The following MTHFD1L variants were observed in gnomAD, a reference collection of about 807,000 sequenced individuals.
The protein encoded by MTHFD1L is methylenetetrahydrofolate dehydrogenase (NADP+ dependent) 1 like.
Under a neutral mutation model 119.5 loss-of-function variants are expected in MTHFD1L, and 81 were observed. The observed-to-expected ratio is 0.68, with a 90% confidence interval of 0.57 to 0.82. The LOEUF (loss-of-function observed/expected upper bound fraction) is 0.82, where lower values mean the gene tolerates loss of function less well. Among genes scored for constraint, MTHFD1L ranks in the 40% least tolerant of loss-of-function variants. MTHFD1L has a pLI of 0.00. For synonymous variants in MTHFD1L, 430 were observed against 475.2 expected, an observed-to-expected ratio of 0.90 and a Z score of 1.24; for missense variants, 1,125 against 1,253.4, an observed-to-expected ratio of 0.90 and a Z score of 1.55.
rs1228188288 is a variant in MTHFD1L, at chr6:151,046,573, C to T, written c.2847+9456C>T. Among the ~76,000 whole-genome samples, 17 of 144,264 alleles carry T rather than the reference C, an allele frequency of 1.2e-4. No individual in the cohort carries two copies. In the East Asian group the frequency reaches 2.1e-3, roughly 18 times the overall value. 94.6% of individuals were successfully genotyped at this position (144,264 alleles called of 152,430 possible). On this transcript the variant is annotated intron_variant, in intron 26 of 27. Coordinates refer to ENST00000367321, the MANE Select transcript of MTHFD1L (RefSeq NM_015440.5). ...TACTTGTTTTCTTCCCCCCATTTTTCGTATGGATTCATAGCATAAATTGAC... is the reference window on the plus strand; with the variant it reads ...TACTTGTTTTCTTCCCCCCATTTTTTGTATGGATTCATAGCATAAATTGAC...
chr6:150,929,884 A>C (rs148811090), intron 11 of MTHFD1L, among the ~76,000 whole-genome samples: 41 of 152,246 alleles, frequency 2.7e-4, no homozygotes, highest in African/African-American at 9.4e-4. Flanking sequence ...TGTAGTGGAA[A>C]AAAATAACCG....
At chr6:150,935,887 A>G (rs566568839) in intron 11 of MTHFD1L, among the ~76,000 whole-genome samples, 6 of 143,344 alleles carry the variant, frequency 4.2e-5, no homozygotes, top group Admixed American at 9.0e-5. Context: ...TAAAGAGTGG[A>G]AAAAAAAAAT....
At chr6:151,085,663 C>T (rs909351700) in intron 26 of MTHFD1L, among the ~76,000 whole-genome samples, 5 of 151,916 alleles carry the variant, frequency 3.3e-5, no homozygotes, top group East Asian at 1.9e-4. Flanking sequence ...CCCAGCTACT[C>T]GGGAGGCTGA....
intron 11 of MTHFD1L, among the ~76,000 whole-genome samples, chr6:150,929,581 C>T (rs1790642626): frequency 6.6e-6 from 1 of 152,188 alleles, no homozygotes; most frequent in African/African-American, 2.4e-5. Flanking sequence ...CAAAGCTGGG[C>T]CTCCAGCCTC....
chr6:150,992,992 G>A (rs1160192963), intron 20 of MTHFD1L, among the ~76,000 whole-genome samples: 1 of 152,138 alleles, frequency 6.6e-6, no homozygotes, highest in Non-Finnish European at 1.5e-5. Flanking sequence ...TTTTAATGAG[G>A]TTTTAAATTT....
chr6:151,093,280 G>C (rs999665516), intron 27 of MTHFD1L, among the ~76,000 whole-genome samples: 1 of 152,156 alleles, frequency 6.6e-6, no homozygotes, highest in Non-Finnish European at 1.5e-5. Flanking sequence ...CCCTGTGTCT[G>C]TGTCTTCACA....
intron 26 of MTHFD1L, among the ~76,000 whole-genome samples, chr6:151,067,183 G>T (rs140148102): frequency 5.9e-4 from 89 of 151,694 alleles, no homozygotes; most frequent in African/African-American, 2.0e-3. Flanking sequence ...TAGTAGAAAC[G>T]GGGTTTCACC....
chr6:151,081,030 T>A (rs185832677), intron 26 of MTHFD1L, among the ~76,000 whole-genome samples: 62 of 152,198 alleles, frequency 4.1e-4, no homozygotes, highest in African/African-American at 1.5e-3. Context: ...GGGATTAGGA[T>A]GTCAATATAG....
chr6:150,980,833 A>G (rs1777383646), intron 20 of MTHFD1L, among the ~76,000 whole-genome samples: 1 of 151,822 alleles, frequency 6.6e-6, no homozygotes, highest in Admixed American at 6.6e-5. Flanking sequence ...TTCTCTCCTG[A>G]TTTGAGTGAT....
chr6:150,903,318 A>G (rs1470098032), intron 7 of MTHFD1L, among the ~76,000 whole-genome samples: 2 of 146,532 alleles, frequency 1.4e-5, no homozygotes, highest in Non-Finnish European at 3.0e-5. Context: ...TCCCAGGTTC[A>G]AGTGATTCTC....
intron 20 of MTHFD1L, among the ~76,000 whole-genome samples, chr6:150,985,794 C>T (rs1424050498): frequency 6.6e-6 from 1 of 152,096 alleles, no homozygotes; most frequent in East Asian, 1.9e-4. Context: ...GGAAATAGCA[C>T]GTCACTGGTG....
At chr6:150,882,247 C>T (rs1003541647) in intron 4 of MTHFD1L, among the ~76,000 whole-genome samples, 2 of 152,184 alleles carry the variant, frequency 1.3e-5, no homozygotes, top group Non-Finnish European at 2.9e-5. Context: ...CATTGAGGTC[C>T]AGATAACCCG....
chr6:151,041,929 A>G, intron 26 of MTHFD1L: 2 of 417,420 alleles, frequency 4.8e-6, no homozygotes, highest in African/African-American at 2.1e-5. Flanking sequence ...GCTTCTAAAT[A>G]TTTACTTTTA....
At chr6:151,063,488 G>C (rs1184507488) in intron 26 of MTHFD1L, among the ~76,000 whole-genome samples, 1 of 152,128 alleles carries the variant, frequency 6.6e-6, no homozygotes, top group Non-Finnish European at 1.5e-5. Flanking sequence ...CATAGCACAG[G>C]GAAAAGGCTG....
chr6:150,955,504 T>G (rs1795494622), intron 16 of MTHFD1L, among the ~76,000 whole-genome samples: 2 of 150,022 alleles, frequency 1.3e-5, no homozygotes, highest in Admixed American at 6.6e-5. Flanking sequence ...GGTTTTTTTT[T>G]TTTTTTTTTT....
chr6:151,099,714 C>T lies in MTHFD1L; in HGVS notation c.*32-1812C>T, dbSNP rs1795203254. The T allele has an allele frequency of 1.9e-6, 3 of 1,610,816 alleles. No individual in the cohort carries two copies. In the African/African-American group the frequency reaches 4.0e-5, roughly 22 times the overall value. On this transcript the variant is annotated intron_variant, in intron 27 of 27. Coordinates refer to ENST00000367321, the MANE Select transcript of MTHFD1L (RefSeq NM_015440.5). Reference sequence around the variant, plus strand: ...TGCCCAACACTGGTTATGGGAGCAACAAAAAAACAAAGCACATGCTGCCCA... The same window carrying T: ...TGCCCAACACTGGTTATGGGAGCAATAAAAAAACAAAGCACATGCTGCCCA...
At chr6:151,048,617 T>C (rs1387504934) in intron 26 of MTHFD1L, among the ~76,000 whole-genome samples, 2 of 152,170 alleles carry the variant, frequency 1.3e-5, no homozygotes, top group African/African-American at 2.4e-5. Context: ...AAGGAGGTAA[T>C]AAGAGGCTCA....
chr6:150,866,533 G>A, intron 1 of MTHFD1L: 6 of 1,272,190 alleles, frequency 4.7e-6, no homozygotes, highest in Non-Finnish European at 5.9e-6. Context: ...GCCCAGCGCC[G>A]CCCGCGCGAA....
At chr6:150,952,006 T>C (rs1189351313) in intron 16 of MTHFD1L, among the ~76,000 whole-genome samples, 3 of 152,214 alleles carry the variant, frequency 2.0e-5, no homozygotes, top group Non-Finnish European at 4.4e-5. Context: ...GGCAATGGCT[T>C]AGACATGGAT....
Sources: allele counts gnomAD v4.1 joint callset (sites outside exome capture counted in the v4.1 genomes callset), GRCh38; gene constraint gnomAD v4.1.1; transcripts MANE v1.5; gene names NCBI Gene and HGNC (gene_info 2026-07-23, HGNC 2026-07-21).